Variants in NPAS2 observed in about 807,000 individuals in gnomAD.
NPAS2 encodes neuronal PAS domain protein 2, also known as neuronal PAS domain-containing protein 2.
A neutral mutation model predicts 107.5 loss-of-function variants in NPAS2; 23 were observed. That is an observed-to-expected ratio of 0.21 (90% CI 0.15 to 0.30). NPAS2 has a LOEUF of 0.30. NPAS2 is among the 10% of genes least tolerant of loss of function. The pLI is 1.00. For synonymous variants in NPAS2, 403 were observed against 417.5 expected (o/e 0.97, Z 0.42); for missense variants, 756 against 1,043.3 (o/e 0.72, Z 3.79).
At chr2:100,891,157 G>A (rs1406201508) in intron 1 of NPAS2, among the ~76,000 whole-genome samples, 2 of 152,016 alleles carry the variant, frequency 1.3e-5, no homozygotes, top group East Asian at 1.9e-4. Flanking sequence ...GCGTGAACCC[G>A]GGGGGTGGAG....
intron 10 of NPAS2, among the ~76,000 whole-genome samples, chr2:100,967,741 A>G (rs749563739): frequency 1.3e-5 from 2 of 151,944 alleles, no homozygotes; most frequent in Non-Finnish European, 1.5e-5. Flanking sequence ...AGACATCACT[A>G]TGGGGGGGCT....
intron 1 of NPAS2, chr2:100,878,249 G>A: frequency 1.0e-6 from 1 of 985,390 alleles, no homozygotes; most frequent in Non-Finnish European, 1.2e-6. Context: ...AAAATATAGA[G>A]GACTGTCCGA....
intron 3 of NPAS2, 131 bp downstream of exon 3, chr2:100,925,425 C>T: frequency 1.1e-6 from 1 of 927,140 alleles, no homozygotes; most frequent in Non-Finnish European, 1.6e-6. Flanking sequence ...GAGGGCTTCC[C>T]ATTGTAAAGA....
intron 1 of NPAS2, among the ~76,000 whole-genome samples, chr2:100,899,842 G>A (rs755764083): frequency 6.6e-6 from 1 of 152,124 alleles, no homozygotes; most frequent in Admixed American, 6.6e-5. Flanking sequence ...ATTCAACAGG[G>A]AAATAAATGC....
rs376916970 is a variant in NPAS2 at position 100,861,750 on chromosome 2, C to T, written c.-23+41336C>T. 5.3e-4 allele frequency among the ~76,000 whole-genome samples: 81 copies of T among 152,300 alleles called. 1 individual carries two copies. The highest frequency in any genetic ancestry group is 1.9e-3 in the African/African-American group (81 of 41,558). On this transcript the variant is annotated intron_variant, in intron 1 of 20. Coordinates refer to ENST00000335681, the MANE Select transcript of NPAS2 (RefSeq NM_002518.4). Reference sequence around the variant, plus strand: ...TCAACTCATATTCTGCCTTGTTTTCCCTTTGCAATGCTTGGCAGATGCTTG... The same window carrying T: ...TCAACTCATATTCTGCCTTGTTTTCTCTTTGCAATGCTTGGCAGATGCTTG...
At chr2:100,883,975 T>G (rs1680544210) in intron 1 of NPAS2, among the ~76,000 whole-genome samples, 1 of 152,138 alleles carries the variant, frequency 6.6e-6, no homozygotes. Context: ...CTTGTGAGTT[T>G]GTGGAAAGAG....
rs1267554800 is a variant in NPAS2, at chr2:100,925,235, G to T, written c.122G>T (p.Arg41Leu). 6.2e-7 allele frequency: 1 copy of T among 1,614,042 alleles called. No homozygotes were observed. Among genetic ancestry groups the T allele is most frequent in the East Asian group, 2.2e-5 (1 of 44,862 alleles). The change falls in exon 3 of 21, where the codon CGG (arginine) becomes CTG (leucine). Residue 41 changes from arginine to leucine, a missense_variant. Physicochemically the swap from Arg to Leu is moderately radical, Grantham distance 102. Transcript: ENST00000335681. ...AGTTCCATGCTCCCTGGCAACACGC[G>T]GAAAATGGACAAAACCACCGTGTTG... ...ELSSMLPGNT[R>L]KMDKTTVLEK...
intron 1 of NPAS2, among the ~76,000 whole-genome samples, chr2:100,854,529 A>G: frequency 6.6e-6 from 1 of 152,182 alleles, no homozygotes. Context: ...CCCCAGGGGA[A>G]AGAGAAAGCA....
chr2:100,845,334 C>T (rs1677709299), intron 1 of NPAS2, among the ~76,000 whole-genome samples: 1 of 152,146 alleles, frequency 6.6e-6, no homozygotes, highest in East Asian at 1.9e-4. Flanking sequence ...TGGCTCCATG[C>T]TGATTATTGT....
chr2:100,830,373 G>A (rs1168700430), intron 1 of NPAS2, among the ~76,000 whole-genome samples: 11 of 151,912 alleles, frequency 7.2e-5, no homozygotes, highest in Middle Eastern at 3.2e-3. Flanking sequence ...TGCACAATGC[G>A]CAGGTTAGTT....
intron 1 of NPAS2, among the ~76,000 whole-genome samples, chr2:100,831,525 C>T (rs1021267771): frequency 3.9e-5 from 6 of 152,012 alleles, no homozygotes; most frequent in Admixed American, 6.6e-5. Flanking sequence ...TTGCTGAGAA[C>T]GATTGCTCTG....
intron 1 of NPAS2, among the ~76,000 whole-genome samples, chr2:100,822,132 TTTA>T (rs1385887474): frequency 6.6e-6 from 1 of 152,222 alleles, no homozygotes; most frequent in East Asian, 1.9e-4. Context: ...TAGAATCGGT[TTTA>T]TTCTCACTGC....
At chr2:100,901,598 A>G (rs1018394175) in intron 1 of NPAS2, 1 of 968,208 alleles carries the variant, frequency 1.0e-6, no homozygotes, top group Non-Finnish European at 1.2e-6. Flanking sequence ...GCAGGAGATC[A>G]GAGGGTGGGT....
chr2:100,840,547 A>T (rs1408283295), intron 1 of NPAS2, among the ~76,000 whole-genome samples: 1 of 151,906 alleles, frequency 6.6e-6, no homozygotes, highest in Non-Finnish European at 1.5e-5. Flanking sequence ...CAACCCTCTA[A>T]TGCAACCTTC....
chr2:100,992,035 AGTTCC>A (rs1224269086), intron 19 of NPAS2, among the ~76,000 whole-genome samples: 1 of 152,226 alleles, frequency 6.6e-6, no homozygotes, highest in African/African-American at 2.4e-5. Flanking sequence ...CCATCTGTAA[AGTTCC>A]GTTCATGTCT....
At chr2:100,963,306 A>G (rs1344418509) in intron 7 of NPAS2, among the ~76,000 whole-genome samples, 1 of 152,264 alleles carries the variant, frequency 6.6e-6, no homozygotes, top group Non-Finnish European at 1.5e-5. Flanking sequence ...AGTATCAGGA[A>G]CACTGATTAT....
intron 12 of NPAS2, 41 bp from the exon 13 acceptor site, chr2:100,974,762 C>T: frequency 6.3e-7 from 1 of 1,586,054 alleles, no homozygotes; most frequent in Non-Finnish European, 8.6e-7. Flanking sequence ...ATTCTTTCCT[C>T]TTGATGCTGA....
Position 100,965,007 on chromosome 2 carries a change from C to T in NPAS2, c.800+64C>T. 2 of 1,113,068 alleles carry T rather than the reference C, an allele frequency of 1.8e-6. No homozygotes were observed. Among genetic ancestry groups the T allele is most frequent in the South Asian group, 1.5e-5 (1 of 68,406 alleles). 68.9% of individuals were successfully genotyped at this position (1,113,068 alleles called of 1,614,324 possible). ...TCAAGTCTTGTTTGCGTGAGCCAGGCTCTCCTTGGGAGAGAAGAGTCGGCC... is the reference window on the plus strand; with the variant it reads ...TCAAGTCTTGTTTGCGTGAGCCAGGTTCTCCTTGGGAGAGAAGAGTCGGCC... On this transcript the variant is annotated intron_variant, in intron 9 of 20. Transcript: ENST00000335681. The surrounding 1 kb of genome is among the most constrained non-coding windows in gnomAD (Gnocchi z 4.3).
chr2:100,822,716 C>G (rs1319056834), intron 1 of NPAS2: 1 of 152,148 alleles, frequency 6.6e-6, no homozygotes, highest in Non-Finnish European at 1.5e-5. Context: ...GTGTTTTGTT[C>G]TTTACATGAA....
Sources: gnomAD v4.1 joint callset for allele counts (sites outside exome capture counted in the v4.1 genomes callset) on GRCh38, gnomAD v4.1.1 for gene constraint, Gnocchi (gnomAD v3.1) non-coding constraint, MANE v1.5 for transcripts, NCBI Gene and HGNC (gene_info 2026-07-23, HGNC 2026-07-21) for gene names.